STXBP5L: variants seen among roughly 807,000 people sequenced by gnomAD.
The protein encoded by STXBP5L is syntaxin binding protein 5L, also known as syntaxin-binding protein 5-like.
A neutral mutation model predicts 144.5 loss-of-function variants in STXBP5L; 65 were observed. That is an observed-to-expected ratio of 0.45 (90% confidence interval 0.37 to 0.55). The LOEUF is 0.55. Ranked by LOEUF, STXBP5L falls within the 20% of genes least tolerant of loss-of-function variation. STXBP5L has a pLI of 0.00. For missense variants in STXBP5L, 1,298 were observed against 1,405.5 expected, an observed-to-expected ratio of 0.92 and a Z score of 1.22; for synonymous variants, 505 against 469.6, an observed-to-expected ratio of 1.08 and a Z score of -0.97.
At chr3:121,079,842 G>T (rs879068893) in intron 5 of STXBP5L, among the ~76,000 whole-genome samples, 2 of 152,308 alleles carry the variant, frequency 1.3e-5, no homozygotes, top group Non-Finnish European at 2.9e-5. Context: ...AAGCCCATTT[G>T]TTCTAGGGTA....
intron 3 of STXBP5L, among the ~76,000 whole-genome samples, chr3:120,965,472 G>T (rs1173681991): frequency 6.6e-6 from 1 of 152,114 alleles, no homozygotes; most frequent in African/African-American, 2.4e-5. Context: ...GGCAGGCCTG[G>T]TGTGACAAAA....
intron 3 of STXBP5L, among the ~76,000 whole-genome samples, chr3:120,972,229 G>T (rs931086813): frequency 3.3e-5 from 5 of 152,004 alleles, no homozygotes; most frequent in South Asian, 2.1e-4. Flanking sequence ...TCCATTATTT[G>T]TGTCATCTAT....
intron 9 of STXBP5L, among the ~76,000 whole-genome samples, chr3:121,188,347 C>T (rs1478208958): frequency 6.6e-6 from 1 of 152,182 alleles, no homozygotes; most frequent in Non-Finnish European, 1.5e-5. Flanking sequence ...TCTCAGAACA[C>T]AGTGCAATCA....
chr3:121,034,208 G>T (rs1246515021), intron 3 of STXBP5L, among the ~76,000 whole-genome samples: 2 of 152,166 alleles, frequency 1.3e-5, no homozygotes, highest in South Asian at 2.1e-4. Context: ...ACATAGTGGT[G>T]AATTCTGAGT....
chr3:121,018,662 G>T (rs1945316920), intron 3 of STXBP5L, among the ~76,000 whole-genome samples: 2 of 152,174 alleles, frequency 1.3e-5, no homozygotes, highest in African/African-American at 4.8e-5. Flanking sequence ...CCTAGGTGAT[G>T]TGGCTTTTGT....
chr3:120,988,942 A>G (rs962428343), intron 3 of STXBP5L, among the ~76,000 whole-genome samples: 3 of 152,040 alleles, frequency 2.0e-5, no homozygotes, highest in African/African-American at 7.2e-5. Flanking sequence ...GAGATATTTC[A>G]CTTAAAATAA....
At chr3:121,244,467 C>T (rs9837611) in intron 14 of STXBP5L, among the ~76,000 whole-genome samples, 14,900 of 149,338 alleles carry the variant, frequency 0.1, 1,147 homozygotes, top group Admixed American at 0.2. Flanking sequence ...GAGAGAGAGA[C>T]AGAGAGAGAG....
chr3:120,936,178 C>T (rs575933109), intron 2 of STXBP5L, among the ~76,000 whole-genome samples: 1 of 152,156 alleles, frequency 6.6e-6, no homozygotes, highest in South Asian at 2.1e-4. Context: ...TGTTAGAGGG[C>T]TTTTGATTTC....
intron 7 of STXBP5L, among the ~76,000 whole-genome samples, chr3:121,132,205 A>G (rs373532581): frequency 3.3e-5 from 5 of 152,302 alleles, no homozygotes; most frequent in African/African-American, 1.2e-4. Context: ...GCTGCTTAGC[A>G]CAGAGGACAG....
At chr3:121,253,405 T>A (rs2050090978) in intron 15 of STXBP5L, among the ~76,000 whole-genome samples, 1 of 152,010 alleles carries the variant, frequency 6.6e-6, no homozygotes, top group Non-Finnish European at 1.5e-5. Flanking sequence ...TATAGCTTTT[T>A]TTCTTACGCA....
intron 2 of STXBP5L, among the ~76,000 whole-genome samples, chr3:120,935,432 T>C (rs988614467): frequency 5.3e-5 from 8 of 152,178 alleles, no homozygotes; most frequent in Non-Finnish European, 1.0e-4. Flanking sequence ...TAAAAAGTTT[T>C]TTTTACCCTT....
intron 20 of STXBP5L, among the ~76,000 whole-genome samples, chr3:121,377,693 G>A (rs554954277): frequency 6.6e-6 from 1 of 152,332 alleles, no homozygotes; most frequent in South Asian, 2.1e-4. Context: ...AGAGAATGTG[G>A]AGAAATAGAA....
intron 5 of STXBP5L, chr3:121,099,343 G>T (rs1261308718): frequency 1.3e-5 from 2 of 152,090 alleles, no homozygotes; most frequent in Admixed American, 1.3e-4. Flanking sequence ...CAAGCACCTG[G>T]GCTCAGTAAG....
At chr3:120,920,186 A>G (rs548447275) in intron 2 of STXBP5L, among the ~76,000 whole-genome samples, 3 of 151,858 alleles carry the variant, frequency 2.0e-5, no homozygotes, top group Admixed American at 2.0e-4. Flanking sequence ...TTTATTCACC[A>G]ATTTCTTTTT....
intron 9 of STXBP5L, among the ~76,000 whole-genome samples, chr3:121,199,981 G>T (rs1365227575): frequency 6.6e-6 from 1 of 152,088 alleles, no homozygotes; most frequent in Admixed American, 6.6e-5. Context: ...TTGGTATCAG[G>T]ATGATGCTGG....
chr3:121,255,998 A>G (rs764817005), intron 16 of STXBP5L, among the ~76,000 whole-genome samples: 4 of 152,108 alleles, frequency 2.6e-5, no homozygotes, highest in Non-Finnish European at 5.9e-5. Flanking sequence ...TTTGAGTCAG[A>G]TAAACCTAGG....
At chr3:120,977,610 T>C (rs901244244) in intron 3 of STXBP5L, among the ~76,000 whole-genome samples, 1 of 152,134 alleles carries the variant, frequency 6.6e-6, no homozygotes, top group Admixed American at 6.5e-5. Context: ...GTTATTTTGC[T>C]CCTTAGTTGA....
chr3:121,229,039 A>G (rs1309229289), intron 11 of STXBP5L, among the ~76,000 whole-genome samples: 1 of 152,232 alleles, frequency 6.6e-6, no homozygotes, highest in Non-Finnish European at 1.5e-5. Context: ...AATCACACCC[A>G]GAATTTCCTT....
At chr3:121,068,081 C>G (rs534231031) in intron 5 of STXBP5L, among the ~76,000 whole-genome samples, 69 of 152,364 alleles carry the variant, frequency 4.5e-4, no homozygotes, top group African/African-American at 1.6e-3. Context: ...ACAATCTCAG[C>G]TCACTGCAAC....
Sources: allele counts gnomAD v4.1 joint callset (sites outside exome capture counted in the v4.1 genomes callset), GRCh38; gene constraint gnomAD v4.1.1; transcripts MANE v1.5; gene names NCBI Gene and HGNC (gene_info 2026-07-23, HGNC 2026-07-21).